The following NOS1AP variants were observed in gnomAD, a reference collection of about 807,000 sequenced individuals.
NOS1AP encodes nitric oxide synthase 1 adaptor protein, also known as carboxyl-terminal PDZ ligand of neuronal nitric oxide synthase protein.
A neutral mutation model predicts 56.2 loss-of-function variants in NOS1AP; 21 were observed. That is an observed-to-expected ratio of 0.37 (90% CI 0.26 to 0.54). The LOEUF (loss-of-function observed/expected upper bound fraction) is 0.54. Ranked by LOEUF, NOS1AP falls within the 20% of genes least tolerant of loss-of-function variation. The probability of loss-of-function intolerance (pLI) is 0.84; values close to 1 mark genes in which losing one functional copy is unlikely to be tolerated. For synonymous variants in NOS1AP, 270 were observed against 274.6 expected, an observed-to-expected ratio of 0.98 and a Z score of 0.17; for missense variants, 522 against 657.8, an observed-to-expected ratio of 0.79 and a Z score of 2.26.
Position 162,367,752 on chromosome 1 carries a change from A to T in NOS1AP, c.*285A>T. 2 of 425,366 alleles carry T rather than the reference A, an allele frequency of 4.7e-6. No individual in the cohort carries two copies. The highest frequency in any genetic ancestry group is 8.5e-6 in the Non-Finnish European group (2 of 234,978). The allele number at this position is 425,366 out of a possible 1,614,324, so 26.3% of individuals were successfully genotyped here. ...TGGCTTCAGGAGAGGGTCTCTCTCCAGGACTGCCAGGCTGCTGGAGGACCT... is the reference window on the plus strand; with the variant it reads ...TGGCTTCAGGAGAGGGTCTCTCTCCTGGACTGCCAGGCTGCTGGAGGACCT... On this transcript the variant is annotated 3_prime_UTR_variant, in exon 10 of 10. Coordinates refer to ENST00000361897, the MANE Select transcript of NOS1AP (RefSeq NM_014697.3). This position sits in a 1 kb window ranked among gnomAD's most constrained non-coding sequence, Gnocchi z 6.5.
intron 2 of NOS1AP, among the ~76,000 whole-genome samples, chr1:162,230,682 C>T (rs1023557692): frequency 3.9e-5 from 6 of 152,142 alleles, no homozygotes; most frequent in Non-Finnish European, 8.8e-5. Flanking sequence ...CAGTTAACCA[C>T]GATTCTCATT....
intron 4 of NOS1AP, among the ~76,000 whole-genome samples, chr1:162,306,212 A>G (rs1655820877): frequency 6.6e-6 from 1 of 152,212 alleles, no homozygotes; most frequent in Admixed American, 6.5e-5. Context: ...GGACAGGTGC[A>G]GAAGTCTCCG....
At chr1:162,231,492 G>A (rs1378655436) in intron 2 of NOS1AP, among the ~76,000 whole-genome samples, 1 of 152,004 alleles carries the variant, frequency 6.6e-6, no homozygotes, top group Admixed American at 6.6e-5. Context: ...GCAGTCCAAT[G>A]TATTTATTTA....
At chr1:162,071,930 A>G (rs1691666875) in intron 1 of NOS1AP, among the ~76,000 whole-genome samples, 1 of 152,050 alleles carries the variant, frequency 6.6e-6, no homozygotes, top group Admixed American at 6.6e-5. Flanking sequence ...CATGGTGGCT[A>G]TTGCCTGTAA....
chr1:162,294,528 C>CACTCCAGAAAATGTT (rs1244605913), intron 3 of NOS1AP, among the ~76,000 whole-genome samples: 1 of 152,172 alleles, frequency 6.6e-6, no homozygotes, highest in Non-Finnish European at 1.5e-5. Flanking sequence ...CTTTCTTTCT[C>CACTCCAGAAAATGTT]ACTCCAGAAA....
chr1:162,289,498 G>A (rs1224750551), intron 3 of NOS1AP, among the ~76,000 whole-genome samples: 7 of 98,212 alleles, frequency 7.1e-5, no homozygotes, highest in South Asian at 3.5e-4. Context: ...TTTTTGAGAC[G>A]GAGTCTCGCT....
At chr1:162,112,617 G>C (rs1270883034) in intron 1 of NOS1AP, among the ~76,000 whole-genome samples, 1 of 152,222 alleles carries the variant, frequency 6.6e-6, no homozygotes, top group Non-Finnish European at 1.5e-5. Flanking sequence ...TGACTTCTCA[G>C]AGCTTGCAGT....
chr1:162,105,768 C>T (rs547374723), intron 1 of NOS1AP, among the ~76,000 whole-genome samples: 177 of 152,344 alleles, frequency 1.2e-3, no homozygotes, highest in African/African-American at 3.8e-3. Flanking sequence ...GCTGAAATGA[C>T]GGAGTCTACC....
chr1:162,235,973 G>T (rs1448961147), intron 2 of NOS1AP, among the ~76,000 whole-genome samples: 12 of 152,192 alleles, frequency 7.9e-5, no homozygotes, highest in Admixed American at 7.8e-4. Context: ...AGGCCAGGGG[G>T]ATCCTCCAAG....
intron 4 of NOS1AP, among the ~76,000 whole-genome samples, chr1:162,320,126 G>A (rs1451575099): frequency 6.6e-6 from 1 of 152,174 alleles, no homozygotes. Context: ...GTATCTTGGA[G>A]AAGCCAATAT....
At chr1:162,129,493 AGATC>A (rs1648649993) in intron 1 of NOS1AP, among the ~76,000 whole-genome samples, 4 of 152,158 alleles carry the variant, frequency 2.6e-5, no homozygotes, top group African/African-American at 4.8e-5. Context: ...TTGCTTCTAT[AGATC>A]TATTTGTCCT....
intron 4 of NOS1AP, among the ~76,000 whole-genome samples, chr1:162,306,048 A>G (rs961100258): frequency 2.0e-5 from 3 of 152,210 alleles, no homozygotes; most frequent in Non-Finnish European, 4.4e-5. Flanking sequence ...GGAATTTGCT[A>G]TAGGATTTGG....
intron 1 of NOS1AP, among the ~76,000 whole-genome samples, chr1:162,081,774 A>ATATATATATATATATATTTTTTT: frequency 2.3e-5 from 1 of 44,060 alleles, no homozygotes; most frequent in African/African-American, 7.6e-5. Flanking sequence ...ATATATATAT[A>ATATATATATATATATATTTTTTT]TTTTTTTTTT....
At position 162,367,259 on chromosome 1, in the gene NOS1AP, A is replaced by G. The variant is rs775254618; in HGVS notation, c.1313A>G (p.Asp438Gly). Residue 438 changes from aspartate (D) to glycine (G), a missense_variant, in exon 10 of 10, where the codon GAC (aspartate) becomes GGC (glycine). Physicochemically the swap from Asp to Gly is moderately conservative, Grantham distance 94. Coordinates refer to ENST00000361897, the MANE Select transcript of NOS1AP (RefSeq NM_014697.3). This position sits in a 1 kb window ranked among gnomAD's most constrained non-coding sequence, Gnocchi z 6.5. Reference sequence around the variant, plus strand: ...TGCTTTCGCTTTCTTCCGCCCGAGGACACCCCGCCCCCAGCGCAGGGCGAG... The same window carrying G: ...TGCTTTCGCTTTCTTCCGCCCGAGGGCACCCCGCCCCCAGCGCAGGGCGAG... ...LECFRFLPPE[D>G]TPPPAQGEAL... 6 of 1,613,516 alleles carry G rather than the reference A, an allele frequency of 3.7e-6. No homozygotes were observed. In the East Asian group the frequency reaches 1.1e-4, roughly 30 times the overall value.
chr1:162,336,396 G>A (rs910721072), intron 5 of NOS1AP, among the ~76,000 whole-genome samples: 1 of 152,190 alleles, frequency 6.6e-6, no homozygotes, highest in African/African-American at 2.4e-5. Context: ...TACTATTGTT[G>A]TTGGCTCATG....
intron 2 of NOS1AP, among the ~76,000 whole-genome samples, chr1:162,179,053 A>G (rs955153818): frequency 5.3e-5 from 8 of 151,816 alleles, no homozygotes; most frequent in Admixed American, 1.3e-4. Flanking sequence ...AAAAATTTTG[A>G]TAACAGTTTT....
intron 1 of NOS1AP, among the ~76,000 whole-genome samples, chr1:162,135,324 G>A (rs898907568): frequency 1.3e-5 from 2 of 152,346 alleles, no homozygotes; most frequent in South Asian, 4.1e-4. Context: ...CTCAAGGACA[G>A]TGTGGATACT....
intron 4 of NOS1AP, among the ~76,000 whole-genome samples, chr1:162,305,740 A>AT (rs1655804132): frequency 6.6e-6 from 1 of 152,188 alleles, no homozygotes; most frequent in Non-Finnish European, 1.5e-5. Flanking sequence ...TTATACATTC[A>AT]TTTTGTATGA....
chr1:162,220,711 A>G (rs1186836613), intron 2 of NOS1AP, among the ~76,000 whole-genome samples: 1 of 151,890 alleles, frequency 6.6e-6, no homozygotes, highest in Non-Finnish European at 1.5e-5. Flanking sequence ...TCCCCTCATC[A>G]AGCAAACCTT....
Sources: gnomAD v4.1 joint callset for allele counts (sites outside exome capture counted in the v4.1 genomes callset) on GRCh38, gnomAD v4.1.1 for gene constraint, Gnocchi (gnomAD v3.1) non-coding constraint, MANE v1.5 for transcripts, NCBI Gene and HGNC (gene_info 2026-07-23, HGNC 2026-07-21) for gene names.